Variants in SYNPR observed in about 807,000 individuals in gnomAD.
SYNPR encodes the protein synaptoporin.
SYNPR carries 23 observed loss-of-function variants against 32.9 expected under a neutral mutation model. That is an observed-to-expected ratio of 0.70 (90% CI 0.50 to 0.99). SYNPR has a LOEUF of 0.99. Among genes scored for constraint, SYNPR ranks in the 50% least tolerant of loss-of-function variants. SYNPR has a pLI of 0.00. For missense variants in SYNPR, 318 were observed against 349.3 expected (o/e 0.91, Z 0.71); for synonymous variants, 146 against 135.9 (o/e 1.07, Z -0.52).
intron 2 of SYNPR, among the ~76,000 whole-genome samples, chr3:63,353,772 A>G (rs1220190069): frequency 1.3e-5 from 2 of 152,348 alleles, no homozygotes; most frequent in East Asian, 3.9e-4. Context: ...TGATGATATG[A>G]TAAGATTCCA....
At chr3:63,433,480 T>C (rs997354365) in intron 2 of SYNPR, among the ~76,000 whole-genome samples, 1 of 152,190 alleles carries the variant, frequency 6.6e-6, no homozygotes, top group Non-Finnish European at 1.5e-5. Context: ...TTTTGGACTG[T>C]TCTAAACAGG....
intron 2 of SYNPR, among the ~76,000 whole-genome samples, chr3:63,303,758 T>TA (rs1316038734): frequency 6.6e-6 from 1 of 151,964 alleles, no homozygotes; most frequent in Non-Finnish European, 1.5e-5. Context: ...TCCCCCTTTT[T>TA]AAAAAAAATT....
chr3:63,612,833 C>G (rs1700218860), intron 5 of SYNPR, among the ~76,000 whole-genome samples: 1 of 152,048 alleles, frequency 6.6e-6, no homozygotes. Flanking sequence ...CATCCCTGGA[C>G]AGAGCCATGA....
intron 2 of SYNPR, among the ~76,000 whole-genome samples, chr3:63,472,816 C>A (rs190254768): frequency 6.6e-6 from 1 of 152,198 alleles, no homozygotes; most frequent in East Asian, 1.9e-4. Context: ...GCTTGCAAGA[C>A]CCACGTGTCT....
At chr3:63,547,078 A>T (rs898781098) in intron 3 of SYNPR, among the ~76,000 whole-genome samples, 1 of 152,134 alleles carries the variant, frequency 6.6e-6, no homozygotes, top group Non-Finnish European at 1.5e-5. Flanking sequence ...GCATCACTGG[A>T]ATCCCTGAGG....
intron 3 of SYNPR, among the ~76,000 whole-genome samples, chr3:63,529,804 T>A (rs6765769): frequency 6.6e-6 from 1 of 151,854 alleles, no homozygotes; most frequent in Non-Finnish European, 1.5e-5. Flanking sequence ...AGCCTGGGCC[T>A]AAGACAAGTG....
intron 3 of SYNPR, among the ~76,000 whole-genome samples, chr3:63,542,196 G>T (rs1702317312): frequency 6.6e-6 from 1 of 151,994 alleles, no homozygotes; most frequent in African/African-American, 2.4e-5. Flanking sequence ...TTCTGTATTG[G>T]CCTCATTATT....
chr3:63,261,174 T>C (rs1245015808), intron 2 of SYNPR, among the ~76,000 whole-genome samples: 6 of 152,126 alleles, frequency 3.9e-5, no homozygotes, highest in Admixed American at 3.9e-4. Flanking sequence ...CTCAGGGCTT[T>C]AGAACTAGAA....
chr3:63,399,015 A>G (rs1027953335), intron 2 of SYNPR, among the ~76,000 whole-genome samples: 1 of 152,222 alleles, frequency 6.6e-6, no homozygotes, highest in East Asian at 1.9e-4. Flanking sequence ...GACATGAAGG[A>G]TAGAGACTCA....
chr3:63,555,258 T>A (rs1283488968), intron 3 of SYNPR, among the ~76,000 whole-genome samples: 1 of 104,152 alleles, frequency 9.6e-6, no homozygotes, highest in South Asian at 4.0e-4. Context: ...TTTAAAGGGA[T>A]TGAGTTTTGT....
In SYNPR at chr3:63,304,302, C is replaced by G. The variant is rs1259371649; in HGVS notation, c.84+25560C>G. 2.0e-5 allele frequency among the ~76,000 whole-genome samples: 3 copies of G among 151,606 alleles called. No individual in the cohort carries two copies. In the East Asian group the frequency reaches 5.8e-4, roughly 30 times the overall value. ...AGTCCAGCTCCCCAAACAGTAAGAC[C>G]TTCAATCACCTTGAGAGCTAAGTAA... is the stretch of plus-strand genomic sequence containing the variant. On this transcript the variant is annotated intron_variant, in intron 2 of 5. Transcript: ENST00000478300.
chr3:63,305,602 C>T (rs946112576), intron 2 of SYNPR, among the ~76,000 whole-genome samples: 9 of 151,896 alleles, frequency 5.9e-5, no homozygotes, highest in African/African-American at 2.2e-4. Context: ...TTGTTTAATA[C>T]ATATACACTT....
chr3:63,615,363 A>G lies in SYNPR; in HGVS notation c.740A>G (p.Tyr247Cys), dbSNP rs1339262287. The part of the protein sequence containing the change: ...KHSSSYNQGG[Y>C]NQDSYGSSSG... Reference sequence around the variant, plus strand: ...TCCAGCAGCTATAATCAAGGTGGTTACAACCAAGACAGCTATGGATCAAGC... The same window carrying G: ...TCCAGCAGCTATAATCAAGGTGGTTGCAACCAAGACAGCTATGGATCAAGC... The change falls in exon 6 of 6, where the codon TAC becomes TGC. Residue 247 changes from tyrosine (Y) to cysteine (C), a missense_variant. Tyr to Cys is a radical substitution (Grantham distance 194). Transcript: ENST00000478300. 1 of 1,613,942 alleles carries G rather than the reference A, an allele frequency of 6.2e-7. No individual in the cohort carries two copies. The highest frequency in any genetic ancestry group is 2.2e-5 in the East Asian group (1 of 44,878).
intron 2 of SYNPR, among the ~76,000 whole-genome samples, chr3:63,460,048 C>A (rs9859772): frequency 0.18 from 28,001 of 152,102 alleles, 2,721 homozygotes; most frequent in Middle Eastern, 0.26. Context: ...GTTTTCTACT[C>A]TTCTGCCCAC....
At chr3:63,596,532 C>A (rs571587196) in intron 4 of SYNPR, among the ~76,000 whole-genome samples, 3 of 152,192 alleles carry the variant, frequency 2.0e-5, no homozygotes, top group African/African-American at 7.2e-5. Flanking sequence ...AGGATTGCCC[C>A]TGTGGGCCGC....
At chr3:63,396,470 C>G (rs2088214156) in intron 2 of SYNPR, among the ~76,000 whole-genome samples, 4 of 152,158 alleles carry the variant, frequency 2.6e-5, no homozygotes. Context: ...ATCAGTATCC[C>G]TTTCAGAAAT....
intron 2 of SYNPR, among the ~76,000 whole-genome samples, chr3:63,323,309 A>G (rs932460112): frequency 6.6e-6 from 1 of 152,048 alleles, no homozygotes; most frequent in Non-Finnish European, 1.5e-5. Flanking sequence ...TGGAAAGCCA[A>G]CCTTCTTTCT....
rs186213322 is a variant in SYNPR at position 63,345,604 on chromosome 3, C to T, written c.84+66862C>T. Among the ~76,000 whole-genome samples the T allele has an allele frequency of 3.3e-5, 5 of 152,210 alleles. No individual in the cohort carries two copies. In the East Asian group the frequency reaches 7.7e-4, roughly 24 times the overall value. On this transcript the variant is annotated intron_variant, in intron 2 of 5. Coordinates refer to ENST00000478300, the MANE Select transcript of SYNPR (RefSeq NM_001130003.2). ...AGCTGGGACCTCACTTTCTCCCTCT[C>T]GCCTAGCCTCTCTTCTCCTGCTGGT...
chr3:63,456,355 G>C (rs182510704), intron 2 of SYNPR, among the ~76,000 whole-genome samples: 123 of 152,194 alleles, frequency 8.1e-4, no homozygotes, highest in Middle Eastern at 6.8e-3. Context: ...GGAGCATTCT[G>C]TTGCATCAGT....
Sources: allele counts gnomAD v4.1 joint callset (sites outside exome capture counted in the v4.1 genomes callset), GRCh38; gene constraint gnomAD v4.1.1; transcripts MANE v1.5; gene names NCBI Gene and HGNC (gene_info 2026-07-23, HGNC 2026-07-21).